Variants in SLC35F3 observed in about 807,000 individuals in gnomAD.
The protein encoded by SLC35F3 is solute carrier family 35 member F3.
Under a neutral mutation model 49.9 loss-of-function variants are expected in SLC35F3, and 25 were observed. The observed-to-expected ratio is 0.50, with a 90% CI of 0.37 to 0.70. The LOEUF is 0.70. SLC35F3 is among the 30% of genes least tolerant of loss of function. The probability of loss-of-function intolerance (pLI) is 0.00; values close to 1 mark genes in which losing one functional copy is unlikely to be tolerated. For missense variants in SLC35F3, 525 were observed against 639.8 expected, an observed-to-expected ratio of 0.82 and a Z score of 1.94; for synonymous variants, 275 against 265.4, an observed-to-expected ratio of 1.04 and a Z score of -0.35.
At chr1:234,147,230 CTTTTTT>C (rs201359916) in intron 2 of SLC35F3, among the ~76,000 whole-genome samples, 3 of 125,096 alleles carry the variant, frequency 2.4e-5, no homozygotes, top group African/African-American at 2.9e-5. Flanking sequence ...TTTCTATTTT[CTTTTTT>C]TTTTTTTTTT....
intron 2 of SLC35F3, among the ~76,000 whole-genome samples, chr1:234,073,469 T>G (rs1011467508): frequency 3.6e-4 from 55 of 152,184 alleles, no homozygotes; most frequent in African/African-American, 1.1e-3. Flanking sequence ...TCTTGAGTCC[T>G]TCCATAAGCA....
At position 233,954,098 on chromosome 1, in the gene SLC35F3, C is replaced by T. The variant is rs187407600; in HGVS notation, c.283+48340C>T. Among the ~76,000 whole-genome samples, 44 of 152,168 alleles carry T rather than the reference C, an allele frequency of 2.9e-4. 2 individuals are homozygous for T. In the East Asian group the frequency reaches 8.3e-3, roughly 29 times the overall value. ...CTCGGCTCACTGCAACCTCCACCTC[C>T]CGGGTTCAAGCTATTCTCCTGCCTC... On this transcript the variant is annotated intron_variant, in intron 2 of 7. Coordinates refer to ENST00000366618, the MANE Select transcript of SLC35F3 (RefSeq NM_173508.4).
chr1:233,964,490 A>G (rs889671787), intron 2 of SLC35F3, among the ~76,000 whole-genome samples: 2 of 152,240 alleles, frequency 1.3e-5, no homozygotes, highest in Non-Finnish European at 2.9e-5. Context: ...TGTGGTGTTT[A>G]TAGAAGAATG....
intron 3 of SLC35F3, among the ~76,000 whole-genome samples, chr1:234,305,233 T>C (rs1329883656): frequency 6.6e-6 from 1 of 152,198 alleles, no homozygotes; most frequent in Non-Finnish European, 1.5e-5. Flanking sequence ...CTATCCCAGC[T>C]AGGATTCTTT....
chr1:233,912,106 G>A (rs1661883643), intron 2 of SLC35F3, among the ~76,000 whole-genome samples: 1 of 152,126 alleles, frequency 6.6e-6, no homozygotes, highest in South Asian at 2.1e-4. Context: ...TGTCCACTTA[G>A]TTTTTTTAAT....
intron 3 of SLC35F3, among the ~76,000 whole-genome samples, chr1:234,264,274 A>G (rs1667948555): frequency 6.6e-6 from 1 of 152,252 alleles, no homozygotes; most frequent in African/African-American, 2.4e-5. Flanking sequence ...TGTCTGTTCA[A>G]GGACCTCACT....
At chr1:234,226,957 G>A (rs892557118) in intron 2 of SLC35F3, among the ~76,000 whole-genome samples, 12 of 87,614 alleles carry the variant, frequency 1.4e-4, no homozygotes, top group African/African-American at 4.8e-4. Context: ...GTGCGCGCAC[G>A]CGTGCACACA....
intron 2 of SLC35F3, among the ~76,000 whole-genome samples, chr1:234,072,567 C>G (rs1439671002): frequency 2.0e-5 from 3 of 152,098 alleles, no homozygotes. Context: ...GGAGAACTTG[C>G]CATTTTCTAT....
chr1:234,090,218 T>C (rs1454573212), intron 2 of SLC35F3, among the ~76,000 whole-genome samples: 1 of 152,274 alleles, frequency 6.6e-6, no homozygotes, highest in Non-Finnish European at 1.5e-5. Context: ...CTGAGCACTG[T>C]GTGCTATGTG....
intron 4 of SLC35F3, among the ~76,000 whole-genome samples, chr1:234,312,443 T>G (rs189135171): frequency 6.6e-6 from 1 of 152,310 alleles, no homozygotes; most frequent in Admixed American, 6.5e-5. Context: ...ATAATCAAAA[T>G]GTTCACAGTG....
intron 3 of SLC35F3, among the ~76,000 whole-genome samples, chr1:234,243,837 C>CTAACT (rs112840593): frequency 3.3e-5 from 5 of 152,342 alleles, no homozygotes; most frequent in African/African-American, 1.2e-4. Context: ...CCCCTGGCAT[C>CTAACT]TAACTTGGGC....
chr1:234,140,510 TCAC>T (rs1413988248), intron 2 of SLC35F3, among the ~76,000 whole-genome samples: 1 of 152,212 alleles, frequency 6.6e-6, no homozygotes, highest in East Asian at 1.9e-4. Flanking sequence ...CTGGCCAGTT[TCAC>T]CCATCCAGTG....
chr1:233,967,080 G>A (rs567051452), intron 2 of SLC35F3, among the ~76,000 whole-genome samples: 3 of 152,162 alleles, frequency 2.0e-5, no homozygotes, highest in African/African-American at 7.2e-5. Context: ...TTTAATTTCA[G>A]ATCAACAAAA....
chr1:234,319,527 A>G (rs933891236), intron 6 of SLC35F3, among the ~76,000 whole-genome samples: 1 of 151,970 alleles, frequency 6.6e-6, no homozygotes, highest in African/African-American at 2.4e-5. Context: ...ACATGATGAG[A>G]CCTCATCTCC....
chr1:234,233,182 A>C (rs1667412018), intron 3 of SLC35F3, among the ~76,000 whole-genome samples: 1 of 152,250 alleles, frequency 6.6e-6, no homozygotes, highest in Admixed American at 6.5e-5. Flanking sequence ...ATTGTCCCAA[A>C]GGCAAGAGTA....
intron 2 of SLC35F3, among the ~76,000 whole-genome samples, chr1:234,203,615 G>A (rs1401584354): frequency 2.6e-5 from 4 of 152,140 alleles, no homozygotes; most frequent in Non-Finnish European, 5.9e-5. Flanking sequence ...GGAGGCTGAG[G>A]CAGGAGAATC....
Position 233,955,031 on chromosome 1 carries a change from A to G in SLC35F3, c.283+49273A>G, listed in dbSNP as rs192989268. On this transcript the variant is annotated intron_variant, in intron 2 of 7. Coordinates refer to ENST00000366618, the MANE Select transcript of SLC35F3 (RefSeq NM_173508.4). ...GCTAATTTTTGTATTTTTAGTGGAG[A>G]TGGGGTTTCACCATGTTGCCCAGGC... 2.8e-3 allele frequency among the ~76,000 whole-genome samples: 419 copies of G among 152,048 alleles called. 1 individual carries two copies. The highest frequency in any genetic ancestry group is 9.6e-3 in the African/African-American group (399 of 41,486).
chr1:233,983,950 G>A (rs1041090244), intron 2 of SLC35F3, among the ~76,000 whole-genome samples: 3 of 152,110 alleles, frequency 2.0e-5, no homozygotes, highest in African/African-American at 7.2e-5. Context: ...AGACTATGCC[G>A]GAAAGCTCAG....
chr1:234,188,711 G>A (rs988715416), intron 2 of SLC35F3, among the ~76,000 whole-genome samples: 1 of 152,056 alleles, frequency 6.6e-6, no homozygotes, highest in Non-Finnish European at 1.5e-5. Context: ...ATGCTCTCTC[G>A]AAAGCGCCAC....
Sources: gnomAD v4.1 joint callset for allele counts (sites outside exome capture counted in the v4.1 genomes callset) on GRCh38, gnomAD v4.1.1 for gene constraint, MANE v1.5 for transcripts, NCBI Gene and HGNC (gene_info 2026-07-23, HGNC 2026-07-21) for gene names.